The following BIRC2 variants were observed in gnomAD, a reference collection of about 807,000 sequenced individuals.
BIRC2 encodes baculoviral IAP repeat containing 2.
A neutral mutation model predicts 60.9 loss-of-function variants in BIRC2; 18 were observed. That is an observed-to-expected ratio of 0.30 (90% CI 0.20 to 0.44). The LOEUF (loss-of-function observed/expected upper bound fraction) is 0.44. Ranked by LOEUF, BIRC2 falls within the 20% of genes least tolerant of loss-of-function variation. BIRC2 has a pLI of 1.00. For missense variants in BIRC2, 701 were observed against 728.5 expected, an observed-to-expected ratio of 0.96 and a Z score of 0.43; for synonymous variants, 282 against 247.7, an observed-to-expected ratio of 1.14 and a Z score of -1.30.
chr11:102,375,554 G>A (rs1393292609), intron 6 of BIRC2, among the ~76,000 whole-genome samples: 1 of 152,138 alleles, frequency 6.6e-6, no homozygotes, highest in Non-Finnish European at 1.5e-5. Flanking sequence ...GCCAAGACGG[G>A]CGGATCACAA....
At chr11:102,364,174 T>TATATATATACACAC (rs1389968594) in intron 5 of BIRC2, among the ~76,000 whole-genome samples, 2 of 78,110 alleles carry the variant, frequency 2.6e-5, no homozygotes, top group African/African-American at 6.7e-5. Flanking sequence ...TATATATATA[T>TATATATATACACAC]ACACACACAC....
intron 6 of BIRC2, among the ~76,000 whole-genome samples, chr11:102,372,331 C>A (rs1430254764): frequency 3.9e-5 from 6 of 152,164 alleles, no homozygotes; most frequent in Non-Finnish European, 8.8e-5. Flanking sequence ...CCTCTACACA[C>A]TGCTTTGAAT....
chr11:102,366,518 C>A (rs1369807859), intron 5 of BIRC2, among the ~76,000 whole-genome samples: 1 of 152,102 alleles, frequency 6.6e-6, no homozygotes, highest in African/African-American at 2.4e-5. Context: ...AGGCGCCCAC[C>A]ACCACGCCCG....
At chr11:102,364,172 T>TACAC (rs1555048341) in intron 5 of BIRC2, among the ~76,000 whole-genome samples, 2 of 89,730 alleles carry the variant, frequency 2.2e-5, no homozygotes, top group East Asian at 3.6e-4. Flanking sequence ...TATATATATA[T>TACAC]ATACACACAC....
At chr11:102,370,007 G>C (rs1254680287) in intron 6 of BIRC2, among the ~76,000 whole-genome samples, 7 of 152,108 alleles carry the variant, frequency 4.6e-5, no homozygotes, top group African/African-American at 9.7e-5. Flanking sequence ...CTTTTTGATG[G>C]GGTTGTTTGT....
At position 102,378,307 on chromosome 11, in the gene BIRC2, T is replaced by G. The variant is rs1419308676; in HGVS notation, c.*124T>G. ...AATTAGTAACATTCATGTTCTAGTCTGCTTTGGTACTAATAATCTTGTTTC... is the reference window on the plus strand; with the variant it reads ...AATTAGTAACATTCATGTTCTAGTCGGCTTTGGTACTAATAATCTTGTTTC... On this transcript the variant is annotated 3_prime_UTR_variant, in exon 9 of 9. Transcript: ENST00000227758. 1.1e-5 allele frequency: 8 copies of G among 728,718 alleles called. No homozygotes were observed. The East Asian group carries it at 2.3e-4, about 21-fold the overall frequency. The allele number at this position is 728,718 out of a possible 1,614,324, so 45.1% of individuals were successfully genotyped here.
intron 6 of BIRC2, among the ~76,000 whole-genome samples, chr11:102,376,829 C>T (rs1358048341): frequency 6.6e-6 from 1 of 151,946 alleles, no homozygotes; most frequent in Non-Finnish European, 1.5e-5. Context: ...AGGAAGGTAC[C>T]GTTATGTATA....
chr11:102,350,823 T>C (rs1245130302), intron 2 of BIRC2, 21 bp from the exon 3 acceptor site: 2 of 1,612,096 alleles, frequency 1.2e-6, no homozygotes, highest in Admixed American at 3.4e-5. Context: ...TTTTCAATAT[T>C]TAGTCTTTTT....
At chr11:102,361,414 G>A (rs573943754) in intron 3 of BIRC2, among the ~76,000 whole-genome samples, 1 of 152,236 alleles carries the variant, frequency 6.6e-6, no homozygotes, top group East Asian at 1.9e-4. Context: ...GTGGCTCTGG[G>A]GTCTGGGGCA....
chr11:102,376,779 C>T (rs1470078570), intron 6 of BIRC2, among the ~76,000 whole-genome samples: 1 of 151,990 alleles, frequency 6.6e-6, no homozygotes, highest in African/African-American at 2.4e-5. Flanking sequence ...ACATATTGTG[C>T]CAGATGCTTT....
intron 6 of BIRC2, among the ~76,000 whole-genome samples, chr11:102,374,296 G>GT (rs1951673904): frequency 6.6e-6 from 1 of 150,826 alleles, no homozygotes; most frequent in Admixed American, 6.6e-5. Flanking sequence ...CATCTTTGTG[G>GT]TTTTATCTAT....
chr11:102,374,219 G>A (rs1223003116), intron 6 of BIRC2, among the ~76,000 whole-genome samples: 3 of 151,510 alleles, frequency 2.0e-5, no homozygotes, highest in Non-Finnish European at 3.0e-5. Flanking sequence ...GAGGAACTGC[G>A]TTCCTTTGGA....
chr11:102,357,370 T>TG (rs1451642871), intron 3 of BIRC2, among the ~76,000 whole-genome samples: 2 of 149,500 alleles, frequency 1.3e-5, no homozygotes, highest in Non-Finnish European at 2.9e-5. Context: ...CCTCTTCCTT[T>TG]CTTCTTCTTT....
At chr11:102,365,743 A>AGTGTGTGTGTGTGTGTGTGTGTGTGT (rs34130638) in intron 5 of BIRC2, among the ~76,000 whole-genome samples, 3 of 147,568 alleles carry the variant, frequency 2.0e-5, no homozygotes, top group African/African-American at 7.5e-5. Flanking sequence ...CATTCAGCTA[A>AGTGTGTGTGTGTGTGTGTGTGTGTGT]GTGTGTGTGT....
chr11:102,365,512 C>T lies in BIRC2; in HGVS notation c.1123+1796C>T, dbSNP rs35077402. Among the ~76,000 whole-genome samples the T allele has an allele frequency of 5.8e-4, 88 of 152,244 alleles. 1 individual carries two copies. The highest frequency in any genetic ancestry group is 2.0e-3 in the African/African-American group (84 of 41,546). On this transcript the variant is annotated intron_variant, in intron 5 of 8. Coordinates refer to ENST00000227758, the MANE Select transcript of BIRC2 (RefSeq NM_001166.5). ...TCTTGTCATGGTAACCAGGGACTGC[C>T]GTGTTAGCAAATCCACTACTTGACC...
intron 6 of BIRC2, 134 bp from the exon 7 acceptor site, chr11:102,377,362 A>T: frequency 1.3e-6 from 1 of 776,506 alleles, no homozygotes; most frequent in Admixed American, 3.7e-5. Flanking sequence ...TTACAAATGC[A>T]AACAAGTTAC....
At chr11:102,351,042 C>G in intron 3 of BIRC2, 99 bp downstream of exon 3, 2 of 1,045,502 alleles carry the variant, frequency 1.9e-6, no homozygotes, top group Non-Finnish European at 2.8e-6. Context: ...ATAACAAAGC[C>G]TCTTTTATGC....
chr11:102,364,186 C>CACACAG (rs1338902901), intron 5 of BIRC2, among the ~76,000 whole-genome samples: 7 of 99,770 alleles, frequency 7.0e-5, no homozygotes, highest in East Asian at 6.9e-4. Context: ...CACACACACA[C>CACACAG]AGAGAGAGAG....
At chr11:102,358,578 A>G (rs985160974) in intron 3 of BIRC2, among the ~76,000 whole-genome samples, 2 of 152,178 alleles carry the variant, frequency 1.3e-5, no homozygotes, top group African/African-American at 2.4e-5. Context: ...GAAGTCTTCT[A>G]GTATTATTGT....
Sources: gnomAD v4.1 joint callset for allele counts (sites outside exome capture counted in the v4.1 genomes callset) on GRCh38, gnomAD v4.1.1 for gene constraint, MANE v1.5 for transcripts, NCBI Gene and HGNC (gene_info 2026-07-23, HGNC 2026-07-21) for gene names.